Variants in RAD54L2 observed in about 807,000 individuals in gnomAD.
RAD54L2 encodes RAD54 like 2.
In RAD54L2, 27 loss-of-function variants were observed where a neutral mutation model predicts 138.4. That is an observed-to-expected ratio of 0.20 (90% CI 0.14 to 0.27). The LOEUF (loss-of-function observed/expected upper bound fraction) is 0.27, where lower values mean the gene tolerates loss of function less well. Among genes scored for constraint, RAD54L2 ranks in the 10% least tolerant of loss-of-function variants. RAD54L2 has a pLI of 1.00. For missense variants in RAD54L2, 1,396 were observed against 1,890.2 expected, an observed-to-expected ratio of 0.74 and a Z score of 4.85; for synonymous variants, 644 against 723.2, an observed-to-expected ratio of 0.89 and a Z score of 1.76.
At chr3:51,540,258 C>A (rs1698517205) in intron 1 of RAD54L2, among the ~76,000 whole-genome samples, 1 of 152,220 alleles carries the variant, frequency 6.6e-6, no homozygotes. Flanking sequence ...GTCTTTCCAT[C>A]CTTAAATCCA....
rs1699706994 is a variant in RAD54L2 at position 51,586,265 on chromosome 3, C to T, written c.-54-4102C>T. ...TCCCAAGTAGCTGGGACTACAGGTG[C>T]ACACCACCAAGTCCAGCTAGTTTTT... On this transcript the variant is annotated intron_variant, in intron 2 of 22. Coordinates refer to ENST00000684192, the MANE Select transcript of RAD54L2 (RefSeq NM_015106.4). 2.0e-5 allele frequency among the ~76,000 whole-genome samples: 3 copies of T among 151,936 alleles called. No individual in the cohort carries two copies. In the South Asian group the frequency reaches 6.2e-4, roughly 32 times the overall value.
intron 3 of RAD54L2, among the ~76,000 whole-genome samples, chr3:51,600,773 C>A (rs142026636): frequency 1.3e-5 from 2 of 152,108 alleles, no homozygotes; most frequent in African/African-American, 4.8e-5. Context: ...CAGAGACAAG[C>A]CTGACCAATA....
chr3:51,613,326 T>C (rs1700374427), intron 3 of RAD54L2, among the ~76,000 whole-genome samples: 1 of 152,198 alleles, frequency 6.6e-6, no homozygotes. Context: ...CTTTTACCTC[T>C]AGCTGAGACG....
chr3:51,539,445 A>G (rs1200293367), intron 1 of RAD54L2, among the ~76,000 whole-genome samples: 2 of 152,090 alleles, frequency 1.3e-5, no homozygotes, highest in Non-Finnish European at 2.9e-5. Context: ...AGTTCCTGGA[A>G]AGGCAGGAGC....
rs770258894 is a variant in RAD54L2, at chr3:51,633,976, C to T, written c.1083C>T (p.Asn361=). Residue 361 remains asparagine (N), a synonymous_variant, in exon 9 of 23, where the codon AAC becomes AAT. Coordinates refer to ENST00000684192, the MANE Select transcript of RAD54L2 (RefSeq NM_015106.4). The part of the protein sequence containing the change: ...LPPPEALPAD[N]KPEEVQPRFF... ...CTCCTGAAGCCCTCCCGGCTGACAA[C>T]AAGCCTGAAGAAGTCCAGCCTCGGT... is the stretch of plus-strand genomic sequence containing the variant. The T allele has an allele frequency of 6.2e-7, 1 of 1,613,982 alleles. No homozygotes were observed. Among genetic ancestry groups the T allele is most frequent in the South Asian group, 1.1e-5 (1 of 91,084 alleles).
chr3:51,611,818 A>G (rs930889984), intron 3 of RAD54L2, among the ~76,000 whole-genome samples: 1 of 151,902 alleles, frequency 6.6e-6, no homozygotes, highest in African/African-American at 2.4e-5. Context: ...GGGCTCCCAA[A>G]GTGCTGGGAT....
chr3:51,656,438 G>A (rs2106846965), intron 20 of RAD54L2, among the ~76,000 whole-genome samples: 1 of 152,306 alleles, frequency 6.6e-6, no homozygotes, highest in South Asian at 2.1e-4. Flanking sequence ...AAATGTCACT[G>A]GAATACAGGG....
intron 3 of RAD54L2, among the ~76,000 whole-genome samples, chr3:51,607,532 G>C (rs186484644): frequency 1.3e-5 from 2 of 152,120 alleles, no homozygotes; most frequent in Non-Finnish European, 2.9e-5. Context: ...ATAACAATCC[G>C]ATCTTTCTTT....
In RAD54L2 at chr3:51,638,629, A is replaced by C; in HGVS notation, c.1860+308A>C. 1 of 282,642 alleles carries C rather than the reference A, an allele frequency of 3.5e-6. No homozygotes were observed. Among genetic ancestry groups the C allele is most frequent in the Non-Finnish European group, 6.6e-6 (1 of 150,868 alleles). 17.5% of individuals were successfully genotyped at this position (282,642 alleles called of 1,614,324 possible). ...CTGTGGGGCAGCGTTTTTGACTGCT[A>C]GCATAATCAGAATTCAAGAGATATA... On this transcript the variant is annotated intron_variant, in intron 12 of 22. Transcript: ENST00000684192. The surrounding 1 kb of genome is among the most constrained non-coding windows in gnomAD (Gnocchi z 4.3).
In RAD54L2 at chr3:51,639,925, C is replaced by G. The variant is rs1272100748; in HGVS notation, c.2157C>G (p.Asn719Lys). 2 of 1,612,250 alleles carry G rather than the reference C, an allele frequency of 1.2e-6. No homozygotes were observed. The highest frequency in any genetic ancestry group is 1.7e-5 in the Admixed American group (1 of 59,892). ...LTNYQTGVLENSPKMVLLFHL... is the reference protein window; with the variant it reads ...LTNYQTGVLEKSPKMVLLFHL... ...ATTACCAGACTGGAGTCCTAGAAAA[C>G]TCTCCCAAGATGGTACTGCTTTTCC... is the stretch of plus-strand genomic sequence containing the variant. The change falls in exon 14 of 23, where the codon AAC becomes AAG. Residue 719 changes from asparagine (N) to lysine (K), a missense_variant. By Grantham distance (94) the Asn-to-Lys change is moderately conservative (BLOSUM62 0). Around this residue, in one of 7 missense-constraint regions of RAD54L2, gnomAD observed 211 missense variants for 273.8 expected, o/e 0.77. Coordinates refer to ENST00000684192, the MANE Select transcript of RAD54L2 (RefSeq NM_015106.4).
chr3:51,555,776 A>G (rs1451300216), intron 2 of RAD54L2, among the ~76,000 whole-genome samples: 1 of 152,176 alleles, frequency 6.6e-6, no homozygotes, highest in African/African-American at 2.4e-5. Context: ...GATCCATTTC[A>G]TCGACAGTAA....
intron 2 of RAD54L2, among the ~76,000 whole-genome samples, chr3:51,562,627 C>G (rs1699125221): frequency 6.6e-6 from 1 of 152,176 alleles, no homozygotes; most frequent in African/African-American, 2.4e-5. Context: ...CCTTGGCCTC[C>G]CAGAGTGCTG....
At chr3:51,632,577 G>A (rs542824108) in intron 7 of RAD54L2, among the ~76,000 whole-genome samples, 67 of 147,552 alleles carry the variant, frequency 4.5e-4, no homozygotes, top group African/African-American at 1.6e-3. Context: ...TTACAGGCAC[G>A]AGCCACCATG....
At chr3:51,634,896 A>G (rs1042928746) in intron 9 of RAD54L2, among the ~76,000 whole-genome samples, 2 of 152,200 alleles carry the variant, frequency 1.3e-5, no homozygotes, top group African/African-American at 4.8e-5. Context: ...TGATCCAACA[A>G]ACCAGCTCTA....
rs1308071727 is a variant in RAD54L2, at chr3:51,645,593, C to T, written c.2659C>T (p.Arg887Trp). Reference sequence around the variant, plus strand: ...TCTTCATGTCTTTATCCTTCTAGATCGGGTGGTGGATGATCTAAATCCAAT... The same window carrying T: ...TCTTCATGTCTTTATCCTTCTAGATTGGGTGGTGGATGATCTAAATCCAAT... The part of the protein sequence containing the change: ...RQISKQGMSD[R>W]VVDDLNPMLN... Residue 887 changes from arginine (R) to tryptophan (W), a missense_variant and splice_region_variant, in exon 18 of 23, where the codon CGG becomes TGG. Transcript: ENST00000684192. The surrounding 1 kb of genome is among the most constrained non-coding windows in gnomAD (Gnocchi z 6.1). 1 of 1,608,762 alleles carries T rather than the reference C, an allele frequency of 6.2e-7. No homozygotes were observed. Among genetic ancestry groups the T allele is most frequent in the Non-Finnish European group, 8.5e-7 (1 of 1,177,544 alleles).
intron 3 of RAD54L2, among the ~76,000 whole-genome samples, chr3:51,620,552 A>G (rs1232531523): frequency 6.6e-6 from 1 of 151,662 alleles, no homozygotes; most frequent in Non-Finnish European, 1.5e-5. Flanking sequence ...CTGGGGAAAG[A>G]GTCCTGGAAG....
At chr3:51,621,025 AC>A (rs1472893182) in intron 3 of RAD54L2, among the ~76,000 whole-genome samples, 1 of 152,154 alleles carries the variant, frequency 6.6e-6, no homozygotes, top group Non-Finnish European at 1.5e-5. Context: ...TAAAAAAAAA[AC>A]AACACAGTGA....
intron 2 of RAD54L2, among the ~76,000 whole-genome samples, chr3:51,573,146 C>T (rs1699379491): frequency 6.6e-6 from 1 of 152,154 alleles, no homozygotes; most frequent in South Asian, 2.1e-4. Flanking sequence ...CACGTCCATA[C>T]ACAGAGGGAG....
chr3:51,552,187 C>T (rs748115818), intron 2 of RAD54L2, among the ~76,000 whole-genome samples: 46 of 152,066 alleles, frequency 3.0e-4, no homozygotes, highest in Non-Finnish European at 5.4e-4. Context: ...TATTTCTCCC[C>T]GACACTGAAC....
Sources: gnomAD v4.1 joint callset for allele counts (sites outside exome capture counted in the v4.1 genomes callset) on GRCh38, gnomAD v4.1.1 for gene constraint, gnomAD v4.1.1 regional missense constraint, Gnocchi (gnomAD v3.1) non-coding constraint, MANE v1.5 for transcripts, NCBI Gene and HGNC (gene_info 2026-07-23, HGNC 2026-07-21) for gene names.